The following ZNF782 variants were observed in gnomAD, a reference collection of about 807,000 sequenced individuals.
ZNF782 encodes the protein zinc finger protein 782.
A neutral mutation model predicts 13.0 loss-of-function variants in ZNF782; 12 were observed. That is an observed-to-expected ratio of 0.92 (90% CI 0.59 to 1.50). The LOEUF (loss-of-function observed/expected upper bound fraction) is 1.50. Among genes scored for constraint, ZNF782 ranks in the 40% most tolerant of loss-of-function variants. The pLI, the probability that ZNF782 is intolerant of heterozygous loss-of-function variation, is 0.00. For missense variants in ZNF782, 770 were observed against 822.9 expected, an observed-to-expected ratio of 0.94 and a Z score of 0.79; for synonymous variants, 284 against 283.0, an observed-to-expected ratio of 1.00 and a Z score of -0.04.
chr9:96,854,718 G>A (rs1036631510), upstream of ZNF782, among the ~76,000 whole-genome samples: 1 of 152,182 alleles, frequency 6.6e-6, no homozygotes. Flanking sequence ...AGAAGTTAAA[G>A]GTTAAAACTT....
At chr9:96,913,910 G>A in the ZNF782 span, among the ~76,000 whole-genome samples, 1 of 149,146 alleles carries the variant, frequency 6.7e-6, no homozygotes, top group Non-Finnish European at 1.5e-5. Context: ...AGAGGCTGAG[G>A]CAGAAGGATT....
chr9:96,887,965 C>T, the ZNF782 span: 1 of 134,804 alleles, frequency 7.4e-6, no homozygotes, highest in Admixed American at 8.9e-5. Context: ...GGGAATTGAA[C>T]AATGAGAACA....
At chr9:96,836,064 G>C (rs1850984639) in intron 4 of ZNF782, among the ~76,000 whole-genome samples, 1 of 152,232 alleles carries the variant, frequency 6.6e-6, no homozygotes, top group Non-Finnish European at 1.5e-5. Flanking sequence ...CTATCCAAGG[G>C]CTTGGAAGGC....
In ZNF782 at chr9:96,819,098, C is replaced by T; in HGVS notation, c.925G>A (p.Gly309Arg). The change falls in exon 6 of 6, where the codon GGG becomes AGG. Residue 309 changes from glycine to arginine, a missense_variant. Coordinates refer to ENST00000481138, the MANE Select transcript of ZNF782 (RefSeq NM_001001662.3). ...TTTCCATATTCAAAGGGTTTCACCC[C>T]TATATGAACTCTATGATGTTCTCTA... ...HIREHHRVHI[G>R]VKPFEYGKSF... 1 of 1,614,000 alleles carries T rather than the reference C, an allele frequency of 6.2e-7. No homozygotes were observed. Among genetic ancestry groups the T allele is most frequent in the Middle Eastern group, 1.6e-4 (1 of 6,062 alleles).
chr9:96,931,742 G>C, the ZNF782 span: 1 of 1,611,298 alleles, frequency 6.2e-7, no homozygotes, highest in East Asian at 2.2e-5. Flanking sequence ...GCTGGGACCC[G>C]GCGTGACCGT....
chr9:96,819,846 G>GTA (rs1384002090), intron 5 of ZNF782, 68 bp from the exon 6 acceptor site: 1 of 1,181,710 alleles, frequency 8.5e-7, no homozygotes, highest in Non-Finnish European at 1.2e-6. Context: ...GGACATATAT[G>GTA]TATATATATG....
chr9:96,925,108 T>C, the ZNF782 span, among the ~76,000 whole-genome samples: 1 of 152,124 alleles, frequency 6.6e-6, no homozygotes, highest in Non-Finnish European at 1.5e-5. Context: ...TCGCGCTGCG[T>C]CGTCTCCCTG....
At chr9:96,834,564 T>G (rs1364535286) in intron 4 of ZNF782, among the ~76,000 whole-genome samples, 1 of 152,214 alleles carries the variant, frequency 6.6e-6, no homozygotes, top group African/African-American at 2.4e-5. Flanking sequence ...CTTGCTTCCA[T>G]GCAATTTCTT....
the ZNF782 span, among the ~76,000 whole-genome samples, chr9:96,896,782 T>C: frequency 2.3e-4 from 35 of 152,326 alleles, no homozygotes; most frequent in Non-Finnish European, 4.0e-4. Context: ...GGGCTTTATG[T>C]TTCAGGAGAT....
At chr9:96,872,782 T>G (rs915931737) in intron 1 of ZNF782, among the ~76,000 whole-genome samples, 1 of 152,200 alleles carries the variant, frequency 6.6e-6, no homozygotes, top group African/African-American at 2.4e-5. Context: ...GCCACAATAC[T>G]TAGTGGCATA....
In ZNF782 at chr9:96,818,231, T is replaced by C. The variant is rs868212497; in HGVS notation, c.1792A>G (p.Thr598Ala). 6.2e-7 allele frequency: 1 copy of C among 1,613,208 alleles called. No homozygotes were observed. Residue 598 changes from threonine (T) to alanine (A), a missense_variant, in exon 6 of 6, where the codon ACA becomes GCA. Thr to Ala is a moderately conservative substitution (Grantham distance 58). Coordinates refer to ENST00000481138, the MANE Select transcript of ZNF782 (RefSeq NM_001001662.3). ...CTGAGATTTGATTTCTGCCTGAATG[T>C]TTTTCCACACTCCTCACATTGATAG... The part of the protein sequence containing the change: ...KPYQCEECGK[T>A]FRQKSNLRGH...
the ZNF782 span, among the ~76,000 whole-genome samples, chr9:96,897,598 T>C: frequency 0.048 from 6,955 of 145,180 alleles, 384 homozygotes; most frequent in East Asian, 0.29. Flanking sequence ...TGCTCTTGAA[T>C]GTCTATGTAA....
chr9:96,828,913 A>G (rs1277006699), intron 4 of ZNF782, among the ~76,000 whole-genome samples: 1 of 152,128 alleles, frequency 6.6e-6, no homozygotes, highest in African/African-American at 2.4e-5. Context: ...AAAAAAGAAA[A>G]TTTTATGTAG....
Position 96,850,999 on chromosome 9 carries a change from G to T in ZNF782, c.15+948C>A, listed in dbSNP as rs970379538. ...AGTATATTAGCACAAGGATGGTAAA[G>T]CGGTGTGAAAATTATAAATTTTTAT... On this transcript the variant is annotated intron_variant, in intron 3 of 5. Transcript: ENST00000481138. This position sits in a 1 kb window ranked among gnomAD's most constrained non-coding sequence, Gnocchi z 4.3. 6.6e-6 allele frequency among the ~76,000 whole-genome samples: 1 copy of T among 152,110 alleles called. No individual in the cohort carries two copies. Among genetic ancestry groups the T allele is most frequent in the African/African-American group, 2.4e-5 (1 of 41,434 alleles).
chr9:96,874,321 C>T (rs141648304), intron 1 of ZNF782, among the ~76,000 whole-genome samples: 129 of 152,252 alleles, frequency 8.5e-4, no homozygotes, highest in Middle Eastern at 3.4e-3. Flanking sequence ...TGAACCATCA[C>T]GGTGGAATTC....
chr9:96,840,207 T>C (rs1851145027), intron 4 of ZNF782, among the ~76,000 whole-genome samples: 1 of 152,142 alleles, frequency 6.6e-6, no homozygotes, highest in Non-Finnish European at 1.5e-5. Context: ...CCACATCTTG[T>C]ACCATATTCC....
At chr9:96,900,809 C>T in the ZNF782 span, among the ~76,000 whole-genome samples, 1 of 151,840 alleles carries the variant, frequency 6.6e-6, no homozygotes. Context: ...TCTTTTCACC[C>T]ATGATAGGCC....
chr9:96,907,977 T>C, the ZNF782 span, among the ~76,000 whole-genome samples: 1 of 151,890 alleles, frequency 6.6e-6, no homozygotes, highest in Non-Finnish European at 1.5e-5. Context: ...GCTTATTTTT[T>C]ATCTGGGGGA....
the ZNF782 span, among the ~76,000 whole-genome samples, chr9:96,929,770 C>T: frequency 6.6e-6 from 1 of 152,090 alleles, no homozygotes; most frequent in Non-Finnish European, 1.5e-5. Context: ...AGACCCACTT[C>T]CTCTCGTCAG....
Sources: gnomAD v4.1 joint callset for allele counts (sites outside exome capture counted in the v4.1 genomes callset) on GRCh38, gnomAD v4.1.1 for gene constraint, Gnocchi (gnomAD v3.1) non-coding constraint, MANE v1.5 for transcripts, NCBI Gene and HGNC (gene_info 2026-07-23, HGNC 2026-07-21) for gene names.